The following PTPRD variants were observed in gnomAD, a reference collection of about 807,000 sequenced individuals.
PTPRD encodes the protein protein tyrosine phosphatase receptor type D.
A neutral mutation model predicts 214.5 loss-of-function variants in PTPRD; 34 were observed. The observed-to-expected ratio is 0.16, with a 90% CI of 0.12 to 0.21. The LOEUF (loss-of-function observed/expected upper bound fraction) is 0.21. Ranked by LOEUF, PTPRD falls within the 10% of genes least tolerant of loss-of-function variation. PTPRD has a pLI of 1.00. For missense variants in PTPRD, 2,545 were observed against 2,398.7 expected, an observed-to-expected ratio of 1.06 and a Z score of -1.27; for synonymous variants, 1,128 against 845.7, an observed-to-expected ratio of 1.33 and a Z score of -5.79.
chr9:8,495,371 C>T (rs2097240480), intron 26 of PTPRD, among the ~76,000 whole-genome samples: 1 of 152,172 alleles, frequency 6.6e-6, no homozygotes, highest in Non-Finnish European at 1.5e-5. Context: ...CTAACTATCA[C>T]TTTTTCATTT....
intron 10 of PTPRD, among the ~76,000 whole-genome samples, chr9:9,083,051 C>T (rs750549070): frequency 6.6e-6 from 1 of 152,050 alleles, no homozygotes; most frequent in Non-Finnish European, 1.5e-5. Flanking sequence ...GAAAAAACTA[C>T]CTTAAATTTC....
chr9:9,240,441 G>C (rs747583412), intron 9 of PTPRD, among the ~76,000 whole-genome samples: 1 of 152,174 alleles, frequency 6.6e-6, no homozygotes, highest in Non-Finnish European at 1.5e-5. Flanking sequence ...GGGAGGCCGA[G>C]GTGGGCAGAT....
In PTPRD at chr9:8,316,038, G is replaced by A. The variant is rs1489547257; in HGVS notation, c.*1836C>T. 2 of 228,062 alleles carry A rather than the reference G, an allele frequency of 8.8e-6. No homozygotes were observed. Among genetic ancestry groups the A allele is most frequent in the East Asian group, 1.3e-4 (2 of 15,892 alleles). The allele number at this position is 228,062 out of a possible 1,614,324, so 14.1% of individuals were successfully genotyped here. A position where few individuals can be genotyped will look rare whatever the true frequency, so the allele number is the denominator to read the frequency against. ...TGATATTTGTTACTAAAATAAGTTT[G>A]GTGCAGTTACTGCATGTTCCAGAGC... is the stretch of plus-strand genomic sequence containing the variant. On this transcript the variant is annotated 3_prime_UTR_variant, in exon 46 of 46. Coordinates refer to ENST00000381196, the MANE Select transcript of PTPRD (RefSeq NM_002839.4).
chr9:9,849,001 G>T (rs988262222), intron 5 of PTPRD, among the ~76,000 whole-genome samples: 2 of 151,880 alleles, frequency 1.3e-5, no homozygotes, highest in African/African-American at 4.8e-5. Flanking sequence ...GTCTGAGCAC[G>T]TCCAGTTACC....
chr9:9,361,671 C>T (rs1175441880), intron 9 of PTPRD, among the ~76,000 whole-genome samples: 2 of 150,990 alleles, frequency 1.3e-5, no homozygotes, highest in Non-Finnish European at 3.0e-5. Context: ...TCTCCTCTAG[C>T]TATTTTGAAA....
At chr9:10,521,421 T>C (rs1287948390) in intron 2 of PTPRD, among the ~76,000 whole-genome samples, 2 of 152,186 alleles carry the variant, frequency 1.3e-5, no homozygotes, top group Non-Finnish European at 2.9e-5. Context: ...GATCTACTCC[T>C]GGTGAAGATG....
chr9:9,779,145 T>C (rs994286298), intron 5 of PTPRD, among the ~76,000 whole-genome samples: 3 of 134,262 alleles, frequency 2.2e-5, no homozygotes, highest in African/African-American at 5.7e-5. Flanking sequence ...ATGATACTGC[T>C]AGCCACATGG....
intron 10 of PTPRD, among the ~76,000 whole-genome samples, chr9:9,099,623 G>A (rs1306426450): frequency 6.6e-6 from 1 of 152,042 alleles, no homozygotes. Flanking sequence ...TTGCTTATAG[G>A]ATGCATTTCT....
At position 8,375,870 on chromosome 9, in the gene PTPRD, G is replaced by A. The variant is rs374362400; in HGVS notation, c.4661+66C>T. On this transcript the variant is annotated intron_variant, in intron 39 of 45. Transcript: ENST00000381196. ...TATTCCAGAATGTCAAGAAGTTGCA[G>A]AAACATCCAATGAGAGTCAATTTAG... 1.2e-5 allele frequency: 18 copies of A among 1,540,612 alleles called. No individual in the cohort carries two copies. In the African/African-American group the frequency reaches 2.5e-4, roughly 21 times the overall value.
chr9:8,471,169 G>A (rs957285885), intron 30 of PTPRD, 84 bp from the exon 31 acceptor site: 11 of 1,075,158 alleles, frequency 1.0e-5, no homozygotes, highest in East Asian at 2.4e-5. Context: ...ACAGACCAAT[G>A]AGGTTGAAGG....
At chr9:8,874,062 A>C (rs2098348272) in intron 11 of PTPRD, among the ~76,000 whole-genome samples, 1 of 152,192 alleles carries the variant, frequency 6.6e-6, no homozygotes, top group South Asian at 2.1e-4. Flanking sequence ...TTAGGGTAAA[A>C]ATTTAATAAA....
intron 8 of PTPRD, among the ~76,000 whole-genome samples, chr9:9,524,055 T>C (rs1241881899): frequency 6.6e-6 from 1 of 152,138 alleles, no homozygotes; most frequent in Non-Finnish European, 1.5e-5. Context: ...AATCAAGTTA[T>C]ATTTTGAACT....
At chr9:10,117,671 A>C (rs572226085) in intron 3 of PTPRD, among the ~76,000 whole-genome samples, 1 of 150,766 alleles carries the variant, frequency 6.6e-6, no homozygotes, top group African/African-American at 2.4e-5. Flanking sequence ...CTCTAATTCC[A>C]GGATGATTTC....
intron 3 of PTPRD, among the ~76,000 whole-genome samples, chr9:10,196,486 C>A (rs1169537772): frequency 1.3e-5 from 2 of 152,140 alleles, no homozygotes; most frequent in Non-Finnish European, 1.5e-5. Flanking sequence ...TTATGTAACA[C>A]CCCTCTGCAT....
At chr9:9,412,975 T>A (rs1487615921) in intron 8 of PTPRD, among the ~76,000 whole-genome samples, 1 of 152,064 alleles carries the variant, frequency 6.6e-6, no homozygotes, top group Admixed American at 6.5e-5. Context: ...AACTTAGCAG[T>A]CCACCTCATA....
intron 35 of PTPRD, among the ~76,000 whole-genome samples, chr9:8,422,147 C>CAAAAAAAA (rs768623202): frequency 1.2e-4 from 4 of 33,978 alleles, no homozygotes; most frequent in East Asian, 1.2e-3. Flanking sequence ...ACCCTGTCTC[C>CAAAAAAAA]AAAAAAAAAA....
chr9:8,372,328 T>C (rs1349505244), intron 39 of PTPRD, among the ~76,000 whole-genome samples: 3 of 152,068 alleles, frequency 2.0e-5, no homozygotes, highest in Non-Finnish European at 2.9e-5. Context: ...TACTCAGTAA[T>C]GAATAATTAT....
intron 9 of PTPRD, among the ~76,000 whole-genome samples, chr9:9,232,138 G>A (rs1249398693): frequency 6.6e-6 from 1 of 152,152 alleles, no homozygotes; most frequent in Non-Finnish European, 1.5e-5. Context: ...AGATCCTTTA[G>A]TATGCTGAGT....
intron 3 of PTPRD, among the ~76,000 whole-genome samples, chr9:10,311,653 G>T (rs1596753224): frequency 6.6e-6 from 1 of 151,978 alleles, no homozygotes; most frequent in African/African-American, 2.4e-5. Flanking sequence ...AGCACATAAA[G>T]CTACCTTTAA....
Sources: allele counts gnomAD v4.1 joint callset (sites outside exome capture counted in the v4.1 genomes callset), GRCh38; gene constraint gnomAD v4.1.1; transcripts MANE v1.5; gene names NCBI Gene and HGNC (gene_info 2026-07-23, HGNC 2026-07-21).